The following UGGT2 variants were observed in gnomAD, a reference collection of about 807,000 sequenced individuals.
UGGT2 encodes UDP-glucose glycoprotein glucosyltransferase 2, also known as UDP-glucose:glycoprotein glucosyltransferase 2.
Under a neutral mutation model 192.1 loss-of-function variants are expected in UGGT2, and 180 were observed. The observed-to-expected ratio is 0.94, with a 90% CI of 0.83 to 1.06. The LOEUF is 1.06. Among genes scored for constraint, UGGT2 ranks in the 50% least tolerant of loss-of-function variants. UGGT2 has a pLI of 0.00. For synonymous variants in UGGT2, 580 were observed against 591.0 expected (o/e 0.98, Z 0.27); for missense variants, 1,849 against 1,795.7 (o/e 1.03, Z -0.54).
chr13:95,966,925 T>C (rs933833620), intron 12 of UGGT2, among the ~76,000 whole-genome samples: 1 of 152,214 alleles, frequency 6.6e-6, no homozygotes, highest in Admixed American at 6.5e-5. Flanking sequence ...TCTTAAGTCA[T>C]ATTTATAAAC....
chr13:96,022,030 G>A (rs1259256288), intron 4 of UGGT2, among the ~76,000 whole-genome samples: 2 of 151,908 alleles, frequency 1.3e-5, no homozygotes, highest in Non-Finnish European at 2.9e-5. Flanking sequence ...GAGGAAAAAA[G>A]AGCCACAATG....
intron 20 of UGGT2, among the ~76,000 whole-genome samples, chr13:95,912,111 C>A (rs886504904): frequency 1.3e-5 from 2 of 152,128 alleles, no homozygotes; most frequent in African/African-American, 4.8e-5. Flanking sequence ...CTATTTATGA[C>A]AAACCCACAG....
Position 95,927,105 on chromosome 13 carries a change from A to C in UGGT2, c.2123T>G (p.Phe708Cys). 1 of 1,611,470 alleles carries C rather than the reference A, an allele frequency of 6.2e-7. No homozygotes were observed. Among genetic ancestry groups the C allele is most frequent in the Non-Finnish European group, 8.5e-7 (1 of 1,179,288 alleles). The stretch of plus-strand genomic sequence containing the variant: ...TGAATCCAAGAAAAAGAAAGTAGAG[A>C]AATCTTCAACATCAGCAGTTACTGA... ...STSVTADVEDFSTFFFLDSQD... is the reference protein window; with the variant it reads ...STSVTADVEDCSTFFFLDSQD... The change falls in exon 19 of 39, where the codon TTC (phenylalanine) becomes TGC (cysteine). Residue 708 changes from phenylalanine (F) to cysteine (C), a missense_variant. By Grantham distance (205) the Phe-to-Cys change is radical. Transcript: ENST00000376747.
At chr13:95,914,585 G>A (rs968509641) in intron 20 of UGGT2, among the ~76,000 whole-genome samples, 4 of 129,624 alleles carry the variant, frequency 3.1e-5, no homozygotes, top group Non-Finnish European at 6.2e-5. Context: ...GACCACTCTG[G>A]CCATTATGGT....
intron 29 of UGGT2, among the ~76,000 whole-genome samples, chr13:95,868,042 A>G (rs1357623695): frequency 2.0e-5 from 3 of 152,156 alleles, no homozygotes; most frequent in African/African-American, 7.2e-5. Flanking sequence ...AACTATTCTC[A>G]CTATGGACTA....
intron 2 of UGGT2, among the ~76,000 whole-genome samples, chr13:96,024,863 T>C (rs1359927437): frequency 6.6e-6 from 1 of 152,226 alleles, no homozygotes; most frequent in Non-Finnish European, 1.5e-5. Context: ...AAGGATGTTC[T>C]GACTGGAAGC....
intron 5 of UGGT2, among the ~76,000 whole-genome samples, chr13:96,011,572 G>A (rs1032522950): frequency 1.3e-5 from 2 of 152,078 alleles, no homozygotes; most frequent in South Asian, 2.1e-4. Flanking sequence ...TGGCTAAGGG[G>A]AATGAAAAAT....
chr13:95,848,857 C>A (rs1211270489), intron 36 of UGGT2, among the ~76,000 whole-genome samples: 1 of 152,114 alleles, frequency 6.6e-6, no homozygotes, highest in African/African-American at 2.4e-5. Context: ...ATAAATTGAT[C>A]TGGGAAGAAT....
At chr13:95,845,503 AC>A (rs1048205311) in intron 36 of UGGT2, among the ~76,000 whole-genome samples, 3 of 151,630 alleles carry the variant, frequency 2.0e-5, no homozygotes, top group South Asian at 2.1e-4. Context: ...TTATAGATTA[AC>A]AGCATCCCAA....
chr13:96,023,021 T>C lies in UGGT2; in HGVS notation c.485+19A>G, dbSNP rs752151381. On this transcript the variant is annotated intron_variant, in intron 4 of 38. Transcript: ENST00000376747. ...CTCTCTATAACCACTTCTTTCATTA[T>C]AGGCTATTATTAATTTACCTTGAAG... The C allele has an allele frequency of 6.5e-6, 10 of 1,549,224 alleles. No individual in the cohort carries two copies. In the South Asian group the frequency reaches 7.7e-5, roughly 12 times the overall value.
At chr13:95,911,208 G>C (rs919854210) in intron 20 of UGGT2, among the ~76,000 whole-genome samples, 1 of 152,172 alleles carries the variant, frequency 6.6e-6, no homozygotes, top group African/African-American at 2.4e-5. Context: ...ACATTCAAAA[G>C]CTAGCAGAAC....
At chr13:95,899,141 A>G (rs1465602999) in intron 22 of UGGT2, among the ~76,000 whole-genome samples, 1 of 152,192 alleles carries the variant, frequency 6.6e-6, no homozygotes, top group Admixed American at 6.5e-5. Context: ...AAACAGAGCA[A>G]CAAGGAGCCA....
Position 95,877,719 on chromosome 13 carries a change from A to G in UGGT2, c.3366T>C (p.Asp1122=). 1 of 1,613,964 alleles carries G rather than the reference A, an allele frequency of 6.2e-7. No individual in the cohort carries two copies. The highest frequency in any genetic ancestry group is 8.5e-7 in the Non-Finnish European group (1 of 1,179,946). The change falls in exon 28 of 39, where the codon GAT becomes GAC. Residue 1122 remains aspartate, a synonymous_variant. Coordinates refer to ENST00000376747, the MANE Select transcript of UGGT2 (RefSeq NM_020121.4). Reference sequence around the variant, plus strand: ...TTACATGATGTGCCATCACTATTGTATCAACCACAGCAGGTTTATTTTTTG... The same window carrying G: ...TTACATGATGTGCCATCACTATTGTGTCAACCACAGCAGGTTTATTTTTTG... ...LGTKNKPAVV[D]TIVMAHHGYF... is the part of the protein sequence containing the mutation.
At chr13:95,923,819 A>G (rs2048926592) in intron 20 of UGGT2, among the ~76,000 whole-genome samples, 1 of 152,230 alleles carries the variant, frequency 6.6e-6, no homozygotes, top group Non-Finnish European at 1.5e-5. Context: ...AAATAAATAT[A>G]AAAAACCCAG....
At chr13:96,036,427 C>T (rs1203535043) in intron 1 of UGGT2, among the ~76,000 whole-genome samples, 1 of 152,004 alleles carries the variant, frequency 6.6e-6, no homozygotes, top group African/African-American at 2.4e-5. Flanking sequence ...ACGGAGAGCA[C>T]CAAGAAGAAA....
chr13:95,854,988 T>C (rs1410318510), intron 34 of UGGT2, among the ~76,000 whole-genome samples: 1 of 151,560 alleles, frequency 6.6e-6, no homozygotes, highest in African/African-American at 2.4e-5. Context: ...AGTGCACACA[T>C]TGAAAGAAAG....
intron 25 of UGGT2, 112 bp downstream of exon 25, chr13:95,890,750 A>G (rs929875579): frequency 7.5e-6 from 6 of 796,104 alleles, no homozygotes; most frequent in Non-Finnish European, 1.2e-5. Context: ...ATGACACTCT[A>G]TTAAAATGGT....
chr13:96,031,895 G>T lies in UGGT2; in HGVS notation c.235C>A (p.Gln79Lys). 6.2e-7 allele frequency: 1 copy of T among 1,606,580 alleles called. No individual in the cohort carries two copies. The highest frequency in any genetic ancestry group is 8.5e-7 in the Non-Finnish European group (1 of 1,175,970). ...ETVQELAIYKQTESDYSYYNL... is the reference protein window; with the variant it reads ...ETVQELAIYKKTESDYSYYNL... Reference sequence around the variant, plus strand: ...AAATTTACATATCACCTACCTGTTTGCTTATAAATTGCTAATTCTTGCACA... The same window carrying T: ...AAATTTACATATCACCTACCTGTTTTCTTATAAATTGCTAATTCTTGCACA... The change falls in exon 2 of 39, where the codon CAA (glutamine) becomes AAA (lysine). Residue 79 changes from glutamine (Q) to lysine (K), a missense_variant. By Grantham distance (53) the Gln-to-Lys change is moderately conservative. Transcript: ENST00000376747.
chr13:95,857,222 T>C (rs1283277979), intron 33 of UGGT2, among the ~76,000 whole-genome samples: 1 of 152,100 alleles, frequency 6.6e-6, no homozygotes, highest in Non-Finnish European at 1.5e-5. Flanking sequence ...AGTCATTGTT[T>C]TGGTTTCAAA....
Sources: allele counts gnomAD v4.1 joint callset (sites outside exome capture counted in the v4.1 genomes callset), GRCh38; gene constraint gnomAD v4.1.1; transcripts MANE v1.5; gene names NCBI Gene and HGNC (gene_info 2026-07-23, HGNC 2026-07-21).